RIC8B: variants seen among roughly 807,000 people sequenced by gnomAD.
The protein encoded by RIC8B is chaperone Ric-8B.
Under a neutral mutation model 57.5 loss-of-function variants are expected in RIC8B, and 16 were observed. The ratio of observed to expected loss-of-function variants is 0.28; its 90% confidence interval spans 0.19 to 0.42. RIC8B has a LOEUF of 0.42. Among genes scored for constraint, RIC8B ranks in the 10% least tolerant of loss-of-function variants. RIC8B has a pLI of 1.00. For synonymous variants in RIC8B, 216 were observed against 250.8 expected, an observed-to-expected ratio of 0.86 and a Z score of 1.31; for missense variants, 481 against 677.0, an observed-to-expected ratio of 0.71 and a Z score of 3.21.
intron 7 of RIC8B, among the ~76,000 whole-genome samples, 153 bp from the exon 8 acceptor site, chr12:106,860,115 G>C (rs543079965): frequency 6.6e-6 from 1 of 152,136 alleles, no homozygotes; most frequent in Non-Finnish European, 1.5e-5. Context: ...TTTGTAAGTA[G>C]TTCAGTATAA....
intron 6 of RIC8B, among the ~76,000 whole-genome samples, chr12:106,844,173 A>T (rs1194988260): frequency 1.3e-5 from 2 of 152,192 alleles, no homozygotes; most frequent in Non-Finnish European, 2.9e-5. Context: ...TGAACAACAG[A>T]TGAAGTCTTT....
chr12:106,802,268 A>G (rs1354510842), intron 2 of RIC8B, among the ~76,000 whole-genome samples: 2 of 152,184 alleles, frequency 1.3e-5, no homozygotes, highest in Non-Finnish European at 2.9e-5. Flanking sequence ...TACCAAAATT[A>G]CCCTATGACT....
At chr12:106,857,839 T>C (rs570858826) in intron 7 of RIC8B, among the ~76,000 whole-genome samples, 1 of 152,336 alleles carries the variant, frequency 6.6e-6, no homozygotes, top group African/African-American at 2.4e-5. Context: ...TTCATTTGTC[T>C]CACCTTCTCT....
rs367964186 is a variant in RIC8B, at chr12:106,783,286, C to T, written c.85-711C>T. On this transcript the variant is annotated intron_variant, in intron 1 of 9. Transcript: ENST00000392837. ...AGCTTTTTTTTAACTGTCACAGTCT[C>T]TCTATGAACTAGGTACACCCTGTTT... Among the ~76,000 whole-genome samples, 16 of 152,282 alleles carry T rather than the reference C, an allele frequency of 1.1e-4. No homozygotes were observed. In the East Asian group the frequency reaches 2.7e-3, roughly 26 times the overall value.
At chr12:106,823,631 A>C (rs1005250303) in intron 3 of RIC8B, among the ~76,000 whole-genome samples, 1 of 152,192 alleles carries the variant, frequency 6.6e-6, no homozygotes, top group African/African-American at 2.4e-5. Context: ...ATATGATCTT[A>C]TCAAGAGTTA....
At chr12:106,804,219 C>CT (rs398039963) in intron 2 of RIC8B, among the ~76,000 whole-genome samples, 51,793 of 143,348 alleles carry the variant, frequency 0.36, 9,352 homozygotes, top group South Asian at 0.4. Flanking sequence ...TCCTTTCTTT[C>CT]TTTTTTTTTT....
chr12:106,823,482 A>G (rs904489563), intron 3 of RIC8B: 2 of 456,102 alleles, frequency 4.4e-6, no homozygotes, highest in Non-Finnish European at 4.4e-6. Flanking sequence ...AGCTGCAAAT[A>G]ATGGAAAGAC....
chr12:106,843,722 CCAAA>C, intron 5 of RIC8B, 126 bp from the exon 6 acceptor site: 1 of 542,798 alleles, frequency 1.8e-6, no homozygotes, highest in South Asian at 2.4e-5. Context: ...ACTCCCTCTC[CCAAA>C]AAAAAAAAAA....
At chr12:106,825,614 TGTATG>T (rs1304104787) in intron 3 of RIC8B, 107 bp from the exon 4 acceptor site, 5 of 698,446 alleles carry the variant, frequency 7.2e-6, no homozygotes, top group South Asian at 1.6e-5. Flanking sequence ...CCATCTAAAA[TGTATG>T]GTATAAGAAT....
At position 106,887,683 on chromosome 12, in the gene RIC8B, A is replaced by G. The variant is rs1951237320; in HGVS notation, c.*1668A>G. The G allele has an allele frequency of 1.3e-5, 2 of 152,250 alleles. No individual in the cohort carries two copies. Among genetic ancestry groups the G allele is most frequent in the South Asian group, 4.1e-4 (2 of 4,834 alleles). The allele number at this position is 152,250 out of a possible 1,614,324, so 9.4% of individuals were successfully genotyped here. On this transcript the variant is annotated 3_prime_UTR_variant, in exon 10 of 10. Coordinates refer to ENST00000392837, the MANE Select transcript of RIC8B (RefSeq NM_001330145.2). The stretch of plus-strand genomic sequence containing the variant: ...AGGCTGCTAGATTGAAGGCAGGCAT[A>G]CTGAAAGAAGAAAAAGGCCAACTGA...
intron 6 of RIC8B, among the ~76,000 whole-genome samples, chr12:106,844,552 A>G (rs1477206892): frequency 2.0e-5 from 3 of 152,176 alleles, no homozygotes; most frequent in Non-Finnish European, 2.9e-5. Context: ...GCGGTGTAGG[A>G]CTTTCCATTC....
chr12:106,803,234 A>AAG (rs1566057609), intron 2 of RIC8B, among the ~76,000 whole-genome samples: 1 of 151,420 alleles, frequency 6.6e-6, no homozygotes, highest in Non-Finnish European at 1.5e-5. Flanking sequence ...AAAAAAAAAA[A>AAG]AAAAGCAAGT....
In RIC8B at chr12:106,868,766, GACACACACACAC is replaced by G. The variant is rs56293147; in HGVS notation, c.1452-2019_1452-2008del. ...ATGAGTGTCTAAAGCAGGCACTCTA[GACACACACACAC>G]ACACACACACACACACACACACACA... On this transcript the variant is annotated intron_variant, in intron 8 of 9. Transcript: ENST00000392837. 9.8e-3 allele frequency among the ~76,000 whole-genome samples: 1,202 copies of G among 123,014 alleles called. 17 individuals carry two copies. Among genetic ancestry groups the G allele is most frequent in the African/African-American group, 0.031 (1,001 of 31,832 alleles). 80.7% of individuals were successfully genotyped at this position (123,014 alleles called of 152,430 possible). A position where few individuals can be genotyped will look rare whatever the true frequency, so the allele number is the denominator to read the frequency against.
chr12:106,847,997 A>G (rs977685867), intron 6 of RIC8B, among the ~76,000 whole-genome samples: 10 of 152,196 alleles, frequency 6.6e-5, no homozygotes, highest in Admixed American at 6.5e-5. Context: ...AGATAATTAT[A>G]TACTACGTCC....
chr12:106,826,138 ACT>A (rs1422372628), intron 4 of RIC8B, among the ~76,000 whole-genome samples: 1 of 152,144 alleles, frequency 6.6e-6, no homozygotes, highest in African/African-American at 2.4e-5. Flanking sequence ...TGAACACTTA[ACT>A]CTGTGGCATT....
At chr12:106,820,165 C>T (rs1324881004) in intron 3 of RIC8B, among the ~76,000 whole-genome samples, 1 of 152,166 alleles carries the variant, frequency 6.6e-6, no homozygotes, top group Non-Finnish European at 1.5e-5. Flanking sequence ...ATTTTTATGA[C>T]CACTTTCATT....
At chr12:106,805,301 GACCAATCATTCC>G (rs776158511) in intron 2 of RIC8B, among the ~76,000 whole-genome samples, 136 of 152,182 alleles carry the variant, frequency 8.9e-4, no homozygotes, top group Non-Finnish European at 1.7e-3. Context: ...CTTCATTCTT[GACCAATCATTCC>G]ACCAATCATT....
At chr12:106,856,659 C>T (rs375391810) in intron 7 of RIC8B, among the ~76,000 whole-genome samples, 1 of 152,136 alleles carries the variant, frequency 6.6e-6, no homozygotes, top group East Asian at 1.9e-4. Flanking sequence ...TTGACATTTG[C>T]TATGTTGTAA....
intron 4 of RIC8B, among the ~76,000 whole-genome samples, chr12:106,834,276 C>T (rs1280875168): frequency 6.6e-6 from 1 of 152,182 alleles, no homozygotes; most frequent in Admixed American, 6.5e-5. Flanking sequence ...ATACAAAAGG[C>T]TCTGCCATTT....
Sources: allele counts gnomAD v4.1 joint callset (sites outside exome capture counted in the v4.1 genomes callset), GRCh38; gene constraint gnomAD v4.1.1; transcripts MANE v1.5; gene names NCBI Gene and HGNC (gene_info 2026-07-23, HGNC 2026-07-21).